Variants in MDGA2 observed in about 807,000 individuals in gnomAD.
MDGA2 encodes MAM domain-containing glycosylphosphatidylinositol anchor protein 2.
MDGA2 carries 40 observed loss-of-function variants against 117.8 expected under a neutral mutation model. The observed-to-expected ratio is 0.34, with a 90% confidence interval of 0.26 to 0.44. The LOEUF (loss-of-function observed/expected upper bound fraction) is 0.44, where lower values mean the gene tolerates loss of function less well. Ranked by LOEUF, MDGA2 falls within the 20% of genes least tolerant of loss-of-function variation. The probability of loss-of-function intolerance (pLI) is 1.00; values close to 1 mark genes in which losing one functional copy is unlikely to be tolerated. For synonymous variants in MDGA2, 452 were observed against 439.0 expected (o/e 1.03, Z -0.37); for missense variants, 1,123 against 1,250.6 (o/e 0.90, Z 1.54).
intron 14 of MDGA2, among the ~76,000 whole-genome samples, chr14:46,870,460 T>C (rs569536630): frequency 6.6e-6 from 1 of 152,056 alleles, no homozygotes; most frequent in East Asian, 1.9e-4. Flanking sequence ...GAAAATAATA[T>C]ATGCAAAGAG....
At chr14:47,141,848 T>G (rs1429409322) in intron 4 of MDGA2, among the ~76,000 whole-genome samples, 3 of 152,168 alleles carry the variant, frequency 2.0e-5, no homozygotes, top group African/African-American at 7.2e-5. Flanking sequence ...TATGTTTCAA[T>G]ACAGCTAGAC....
intron 8 of MDGA2, among the ~76,000 whole-genome samples, chr14:47,005,726 CT>C (rs1388436537): frequency 2.0e-5 from 3 of 151,386 alleles, no homozygotes; most frequent in African/African-American, 7.3e-5. Context: ...AGTTATTTTT[CT>C]ATTTTTCATC....
chr14:47,132,951 T>C (rs892498019), intron 4 of MDGA2, among the ~76,000 whole-genome samples: 1 of 151,844 alleles, frequency 6.6e-6, no homozygotes, highest in African/African-American at 2.4e-5. Flanking sequence ...TGCTGTTCAT[T>C]TGCAAGAAAG....
At chr14:47,470,265 GC>G (rs66485872) in intron 1 of MDGA2, among the ~76,000 whole-genome samples, 89,551 of 125,000 alleles carry the variant, frequency 0.72, 29,101 homozygotes, top group East Asian at 0.96. Context: ...CCTTCCCCCA[GC>G]CCCCCCACCC....
chr14:47,613,143 A>C (rs1435163569), intron 1 of MDGA2, among the ~76,000 whole-genome samples: 1 of 152,088 alleles, frequency 6.6e-6, no homozygotes, highest in African/African-American at 2.4e-5. Flanking sequence ...AACTACCATT[A>C]CCTTATTTTC....
chr14:47,360,566 G>A (rs1422099780), intron 1 of MDGA2, among the ~76,000 whole-genome samples: 2 of 151,946 alleles, frequency 1.3e-5, no homozygotes, highest in East Asian at 3.8e-4. Flanking sequence ...CAAAAGACAA[G>A]AGATAACAAG....
At chr14:47,348,698 T>C (rs2138342411) in intron 1 of MDGA2, among the ~76,000 whole-genome samples, 1 of 152,016 alleles carries the variant, frequency 6.6e-6, no homozygotes, top group South Asian at 2.1e-4. Flanking sequence ...GAAACAGAGA[T>C]GGAGACAGAG....
At chr14:46,928,416 T>C (rs529527143) in intron 9 of MDGA2, among the ~76,000 whole-genome samples, 1 of 152,136 alleles carries the variant, frequency 6.6e-6, no homozygotes, top group South Asian at 2.1e-4. Context: ...TTTTTCTGAT[T>C]CCTCTCTTGC....
Position 47,241,505 on chromosome 14 carries a change from A to G in MDGA2, c.421-23310T>C, listed in dbSNP as rs1037040453. ...TGTGTGTGTTTCTTTCCATTGTAAA[A>G]ATTTGTTAATTTTAGAAAGGTTTTA... On this transcript the variant is annotated intron_variant, in intron 2 of 16. Transcript: ENST00000399232. 9.2e-5 allele frequency among the ~76,000 whole-genome samples: 14 copies of G among 151,904 alleles called. 1 individual carries two copies. The highest frequency in any genetic ancestry group is 3.4e-4 in the African/African-American group (14 of 41,410).
At chr14:47,523,909 C>G (rs1894921125) in intron 1 of MDGA2, among the ~76,000 whole-genome samples, 4 of 152,174 alleles carry the variant, frequency 2.6e-5, no homozygotes, top group Admixed American at 2.0e-4. Flanking sequence ...CACAGCGTCA[C>G]AGTTGAAACA....
intron 1 of MDGA2, among the ~76,000 whole-genome samples, chr14:47,579,110 G>A (rs1896180458): frequency 6.6e-6 from 1 of 151,990 alleles, no homozygotes; most frequent in Non-Finnish European, 1.5e-5. Context: ...GTTACAATTT[G>A]TAAAAATATT....
At chr14:47,199,135 G>A (rs1885397542) in intron 3 of MDGA2, among the ~76,000 whole-genome samples, 1 of 151,734 alleles carries the variant, frequency 6.6e-6, no homozygotes, top group African/African-American at 2.4e-5. Flanking sequence ...AGACTTGTCA[G>A]CTCCCACAAT....
intron 1 of MDGA2, among the ~76,000 whole-genome samples, chr14:47,590,032 T>G (rs1046512511): frequency 2.8e-4 from 43 of 151,888 alleles, no homozygotes; most frequent in African/African-American, 1.0e-3. Flanking sequence ...ACAAACTTAA[T>G]GAACTAGTTT....
At chr14:47,438,622 G>A (rs914654304) in intron 1 of MDGA2, among the ~76,000 whole-genome samples, 1 of 152,128 alleles carries the variant, frequency 6.6e-6, no homozygotes, top group African/African-American at 2.4e-5. Flanking sequence ...ATATGCTGCA[G>A]CTCTATCCCT....
chr14:47,058,625 A>G, intron 7 of MDGA2: 1 of 985,036 alleles, frequency 1.0e-6, no homozygotes, highest in Non-Finnish European at 1.2e-6. Flanking sequence ...TATTGGGATA[A>G]ATATCATTTT....
chr14:47,531,817 A>G (rs781546336), intron 1 of MDGA2, among the ~76,000 whole-genome samples: 6 of 152,270 alleles, frequency 3.9e-5, no homozygotes, highest in Non-Finnish European at 8.8e-5. Context: ...GTAGGTAAAA[A>G]CCATATAAAT....
chr14:46,979,745 T>C (rs563346782), intron 8 of MDGA2, among the ~76,000 whole-genome samples: 3 of 152,262 alleles, frequency 2.0e-5, no homozygotes, highest in African/African-American at 2.4e-5. Context: ...GAAGAAAAGT[T>C]TGAAGCTATC....
rs193165224 is a variant in MDGA2 at position 46,904,271 on chromosome 14, C to T, written c.2238+15741G>A. 2.2e-3 allele frequency among the ~76,000 whole-genome samples: 337 copies of T among 150,112 alleles called. 1 individual carries two copies. Among genetic ancestry groups the T allele is most frequent in the Non-Finnish European group, 3.9e-3 (265 of 67,848 alleles). On this transcript the variant is annotated intron_variant, in intron 10 of 16. Coordinates refer to ENST00000399232, the MANE Select transcript of MDGA2 (RefSeq NM_001113498.3). ...CCTGTAATCCCAGCTACTCCGGAGG[C>T]TGAGGCAAGAGAATTGCAGAAACCC...
intron 2 of MDGA2, among the ~76,000 whole-genome samples, chr14:47,295,931 AAGATAGAT>A (rs34675658): frequency 0.026 from 3,380 of 132,474 alleles, 55 homozygotes; most frequent in African/African-American, 0.045. Flanking sequence ...GATAGATGAT[AAGATAGAT>A]AGATAGATAG....
Sources: allele counts gnomAD v4.1 joint callset (sites outside exome capture counted in the v4.1 genomes callset), GRCh38; gene constraint gnomAD v4.1.1; transcripts MANE v1.5; gene names NCBI Gene and HGNC (gene_info 2026-07-23, HGNC 2026-07-21).